Variants in DARS1 observed in about 807,000 individuals in gnomAD.
DARS1 encodes the protein aspartate--tRNA ligase, cytoplasmic.
A neutral mutation model predicts 68.8 loss-of-function variants in DARS1; 51 were observed. That is an observed-to-expected ratio of 0.74 (90% CI 0.59 to 0.94). DARS1 has a LOEUF of 0.94. DARS1 is among the 40% of genes least tolerant of loss of function. The pLI is 0.00. For synonymous variants in DARS1, 203 were observed against 190.4 expected (o/e 1.07, Z -0.55); for missense variants, 607 against 597.3 (o/e 1.02, Z -0.17).
At chr2:135,968,142 C>T (rs190106056) in intron 3 of DARS1, among the ~76,000 whole-genome samples, 8 of 151,994 alleles carry the variant, frequency 5.3e-5, no homozygotes, top group Admixed American at 3.9e-4. Flanking sequence ...TGCCTGTAGT[C>T]CCAGCCAGCT....
At chr2:135,943,260 A>T in intron 5 of DARS1, 118 bp downstream of exon 5, 1 of 1,367,926 alleles carries the variant, frequency 7.3e-7, no homozygotes, top group Non-Finnish European at 9.7e-7. Context: ...TGATTCAGTA[A>T]CTAATTTATA....
Position 135,906,559 on chromosome 2 carries a change from ATGTTGACAACATATTAGTCT to A in DARS1, c.*737_*756del, listed in dbSNP as rs535345217. The A allele has an allele frequency of 1.2e-4, 19 of 152,338 alleles. No individual in the cohort carries two copies. In the East Asian group the frequency reaches 3.7e-3, roughly 29 times the overall value. The allele number at this position is 152,338 out of a possible 1,614,324, so 9.4% of individuals were successfully genotyped here. A position where few individuals can be genotyped will look rare whatever the true frequency, so the allele number is the denominator to read the frequency against. ...TAAACTAATATCCTGAAATGAATAC[ATGTTGACAACATATTAGTCT>A]TTATTTATATAAACTAGTTGTGTAT... is the stretch of plus-strand genomic sequence containing the variant. On this transcript the variant is annotated 3_prime_UTR_variant, in exon 16 of 16. Transcript: ENST00000264161.
chr2:135,908,687 A>G (rs928371068), intron 15 of DARS1, among the ~76,000 whole-genome samples: 19 of 152,112 alleles, frequency 1.2e-4, no homozygotes, highest in Non-Finnish European at 1.8e-4. Flanking sequence ...TTTTCTTCAT[A>G]TATTTGTTGG....
intron 4 of DARS1, among the ~76,000 whole-genome samples, chr2:135,960,801 T>G (rs1297061276): frequency 6.6e-6 from 1 of 152,182 alleles, no homozygotes; most frequent in Non-Finnish European, 1.5e-5. Context: ...ATCTGCCTCC[T>G]GCAAGCTGAA....
intron 7 of DARS1, 140 bp downstream of exon 7, chr2:135,932,643 A>G (rs1376362453): frequency 3.2e-5 from 17 of 537,310 alleles, no homozygotes; most frequent in Non-Finnish European, 4.9e-5. Context: ...GGTCAGTCAG[A>G]AAAGGAAATT....
intron 1 of DARS1, among the ~76,000 whole-genome samples, chr2:135,984,875 T>C (rs1682735412): frequency 6.6e-6 from 1 of 152,192 alleles, no homozygotes; most frequent in African/African-American, 2.4e-5. Context: ...TCCTATTACC[T>C]ACCTTACCGG....
intron 4 of DARS1, among the ~76,000 whole-genome samples, chr2:135,948,469 T>G (rs1681773791): frequency 6.6e-6 from 1 of 152,190 alleles, no homozygotes; most frequent in African/African-American, 2.4e-5. Context: ...CTTTGCATAC[T>G]CAAGCCCAGC....
chr2:135,920,700 A>G (rs1048357409), intron 9 of DARS1, 100 bp from the exon 10 acceptor site: 28 of 1,388,612 alleles, frequency 2.0e-5, no homozygotes, highest in Admixed American at 8.8e-5. Flanking sequence ...TTCCAGTGGT[A>G]TTATTTTCAT....
At chr2:135,909,504 T>C (rs1208752142) in intron 15 of DARS1, among the ~76,000 whole-genome samples, 1 of 152,216 alleles carries the variant, frequency 6.6e-6, no homozygotes, top group East Asian at 1.9e-4. Flanking sequence ...ATTTAAAATC[T>C]ACTCTTTTAG....
At chr2:135,914,395 C>A in intron 12 of DARS1, 74 bp downstream of exon 12, 1 of 846,848 alleles carries the variant, frequency 1.2e-6, no homozygotes, top group East Asian at 2.4e-5. Flanking sequence ...AGCTCAGACC[C>A]CTCTGCAATT....
At chr2:135,944,555 A>G (rs1421141691) in intron 4 of DARS1, among the ~76,000 whole-genome samples, 1 of 152,088 alleles carries the variant, frequency 6.6e-6, no homozygotes, top group Non-Finnish European at 1.5e-5. Context: ...AGAAATCTTT[A>G]TGTCTGTTAC....
intron 3 of DARS1, among the ~76,000 whole-genome samples, chr2:135,976,764 C>G (rs1343394793): frequency 6.8e-6 from 1 of 147,092 alleles, no homozygotes; most frequent in Non-Finnish European, 1.5e-5. Context: ...GGATGCTCAG[C>G]CAGTAATGCA....
intron 9 of DARS1, among the ~76,000 whole-genome samples, chr2:135,920,919 GTTC>G (rs1681098789): frequency 1.3e-5 from 2 of 151,786 alleles, no homozygotes. Flanking sequence ...AAGATAGTGA[GTTC>G]TTCTCAATTT....
chr2:135,921,504 T>A (rs551789706), intron 9 of DARS1, among the ~76,000 whole-genome samples: 1 of 152,248 alleles, frequency 6.6e-6, no homozygotes, highest in Admixed American at 6.5e-5. Flanking sequence ...CAAACTCCAT[T>A]TTCTCTCTTT....
intron 3 of DARS1, among the ~76,000 whole-genome samples, chr2:135,967,732 T>C (rs911634636): frequency 6.6e-6 from 1 of 152,198 alleles, no homozygotes; most frequent in South Asian, 2.1e-4. Context: ...ACTAGGATTT[T>C]GACACTTCCA....
chr2:135,985,321 G>A lies in DARS1; in HGVS notation c.66+82C>T, dbSNP rs183925545. ...GAACGTGCCGACAAGGACCTGTAGG[G>A]CCCCACTCCCCCTCCTCCCTCCCTC... On this transcript the variant is annotated intron_variant, in intron 1 of 15. Coordinates refer to ENST00000264161, the MANE Select transcript of DARS1 (RefSeq NM_001349.4). 3.8e-5 allele frequency: 58 copies of A among 1,535,090 alleles called. No individual in the cohort carries two copies. In the African/African-American group the frequency reaches 6.0e-4, roughly 16 times the overall value.
chr2:135,978,142 C>CAAAAAAAAAAAAAA lies in DARS1; in HGVS notation c.217+1118_217+1131dup, dbSNP rs59505882. On this transcript the variant is annotated intron_variant, in intron 3 of 15. Coordinates refer to ENST00000264161, the MANE Select transcript of DARS1 (RefSeq NM_001349.4). ...TGGGTGACAGAGCAAGACTCTGTCT[C>CAAAAAAAAAAAAAA]AAAAAAAAAAAAAAAAAAAAAAAGA... 4.0e-3 allele frequency among the ~76,000 whole-genome samples: 220 copies of CAAAAAAAAAAAAAA among 54,700 alleles called. 1 individual carries two copies. The highest frequency in any genetic ancestry group is 0.012 in the Middle Eastern group (1 of 82). 35.9% of individuals were successfully genotyped at this position (54,700 alleles called of 152,430 possible). A position where few individuals can be genotyped will look rare whatever the true frequency, so the allele number is the denominator to read the frequency against.
intron 4 of DARS1, among the ~76,000 whole-genome samples, chr2:135,947,830 A>C (rs557837075): frequency 8.0e-4 from 122 of 152,034 alleles, no homozygotes; most frequent in African/African-American, 1.2e-3. Context: ...TGTGAAAAAA[A>C]AAAAAACAAA....
chr2:135,955,812 T>C (rs185053024), intron 4 of DARS1, among the ~76,000 whole-genome samples: 1 of 148,548 alleles, frequency 6.7e-6, no homozygotes, highest in Non-Finnish European at 1.5e-5. Context: ...CACACCACCA[T>C]GCCTGGCTAA....
Sources: allele counts gnomAD v4.1 joint callset (sites outside exome capture counted in the v4.1 genomes callset), GRCh38; gene constraint gnomAD v4.1.1; transcripts MANE v1.5; gene names NCBI Gene and HGNC (gene_info 2026-07-23, HGNC 2026-07-21).